The following NUMB variants were observed in gnomAD, a reference collection of about 807,000 sequenced individuals.
NUMB encodes the protein NUMB endocytic adaptor protein.
NUMB carries 29 observed loss-of-function variants against 59.7 expected under a neutral mutation model. The observed-to-expected ratio is 0.49, with a 90% CI of 0.36 to 0.66. The LOEUF is 0.66. Among genes scored for constraint, NUMB ranks in the 30% least tolerant of loss-of-function variants. The probability of loss-of-function intolerance (pLI) is 0.00; values close to 1 mark genes in which losing one functional copy is unlikely to be tolerated. For missense variants in NUMB, 723 were observed against 822.0 expected, an observed-to-expected ratio of 0.88 and a Z score of 1.47; for synonymous variants, 288 against 288.2, an observed-to-expected ratio of 1.00 and a Z score of 0.01.
intron 1 of NUMB, among the ~76,000 whole-genome samples, chr14:73,415,758 C>T (rs1022869477): frequency 3.3e-5 from 5 of 152,124 alleles, no homozygotes; most frequent in East Asian, 1.9e-4. Flanking sequence ...TGAGCCACCA[C>T]GTCCGGCCTC....
chr14:73,424,126 T>A (rs1897478961), intron 1 of NUMB, among the ~76,000 whole-genome samples: 1 of 152,118 alleles, frequency 6.6e-6, no homozygotes, highest in Non-Finnish European at 1.5e-5. Flanking sequence ...AATTACTCTC[T>A]CTCTATATAT....
intron 1 of NUMB, among the ~76,000 whole-genome samples, chr14:73,442,300 G>A (rs913649014): frequency 6.6e-6 from 1 of 151,990 alleles, no homozygotes; most frequent in Non-Finnish European, 1.5e-5. Flanking sequence ...TTGATCCTGG[G>A]AGGTTAAAAC....
chr14:73,402,315 C>T (rs1163551717), intron 2 of NUMB, among the ~76,000 whole-genome samples: 1 of 152,090 alleles, frequency 6.6e-6, no homozygotes, highest in African/African-American at 2.4e-5. Flanking sequence ...ATGACTGATT[C>T]CCTATCTGTT....
chr14:73,339,622 G>T (rs914477384), intron 4 of NUMB, among the ~76,000 whole-genome samples: 2 of 152,054 alleles, frequency 1.3e-5, no homozygotes, highest in Non-Finnish European at 2.9e-5. Flanking sequence ...AAACTCCTGG[G>T]TTCAAGTGAT....
At chr14:73,304,129 T>C (rs1024675023) in intron 6 of NUMB, among the ~76,000 whole-genome samples, 1 of 151,874 alleles carries the variant, frequency 6.6e-6, no homozygotes, top group Non-Finnish European at 1.5e-5. Flanking sequence ...ACGAAAAAAA[T>C]TGGTGAAGGA....
intron 6 of NUMB, among the ~76,000 whole-genome samples, chr14:73,300,999 A>G (rs901933901): frequency 6.6e-6 from 1 of 152,166 alleles, no homozygotes; most frequent in Non-Finnish European, 1.5e-5. Flanking sequence ...AACTGCTCAT[A>G]TTTAACCAAC....
At chr14:73,300,924 T>C (rs1890090558) in intron 6 of NUMB, among the ~76,000 whole-genome samples, 1 of 152,086 alleles carries the variant, frequency 6.6e-6, no homozygotes. Flanking sequence ...TTAAAACTGA[T>C]AAATGGGTGT....
chr14:73,351,091 T>G (rs1893229065), intron 4 of NUMB, among the ~76,000 whole-genome samples: 1 of 152,172 alleles, frequency 6.6e-6, no homozygotes, highest in Non-Finnish European at 1.5e-5. Context: ...ACAGGTACAC[T>G]AAAAGCCCAG....
intron 2 of NUMB, among the ~76,000 whole-genome samples, chr14:73,372,344 T>TAC (rs1491502047): frequency 5.8e-4 from 24 of 41,038 alleles, no homozygotes; most frequent in African/African-American, 2.5e-3. Context: ...TATAACCTTT[T>TAC]ATATATATAT....
At chr14:73,321,737 T>A (rs1891415424) in intron 5 of NUMB, among the ~76,000 whole-genome samples, 1 of 152,218 alleles carries the variant, frequency 6.6e-6, no homozygotes, top group Non-Finnish European at 1.5e-5. Flanking sequence ...AGAGCACAGA[T>A]AAGACTAGCA....
At chr14:73,280,746 T>G (rs1177722220) in intron 11 of NUMB, among the ~76,000 whole-genome samples, 6 of 135,880 alleles carry the variant, frequency 4.4e-5, no homozygotes, top group Non-Finnish European at 6.1e-5. Flanking sequence ...CAGGCTGGAG[T>G]GCAATGGTGT....
intron 2 of NUMB, among the ~76,000 whole-genome samples, chr14:73,394,181 G>A (rs918489180): frequency 5.9e-5 from 9 of 152,132 alleles, no homozygotes; most frequent in East Asian, 1.9e-4. Context: ...TCTCGAACTC[G>A]TGACCTCAGG....
intron 6 of NUMB, among the ~76,000 whole-genome samples, chr14:73,314,087 G>C (rs1237596363): frequency 6.6e-6 from 1 of 152,014 alleles, no homozygotes. Flanking sequence ...TAATTGATTA[G>C]AAATAAAATC....
At chr14:73,407,878 G>C (rs1332574953) in intron 2 of NUMB, among the ~76,000 whole-genome samples, 1 of 152,134 alleles carries the variant, frequency 6.6e-6, no homozygotes, top group Non-Finnish European at 1.5e-5. Context: ...TTATATAACT[G>C]GTAGCAGTCA....
intron 6 of NUMB, among the ~76,000 whole-genome samples, chr14:73,313,207 C>G (rs1380423351): frequency 6.6e-6 from 1 of 152,010 alleles, no homozygotes; most frequent in African/African-American, 2.4e-5. Flanking sequence ...TCAGGCTGGT[C>G]TTGAACTCCT....
chr14:73,294,794 C>A (rs1183779729), intron 7 of NUMB, among the ~76,000 whole-genome samples: 1 of 148,662 alleles, frequency 6.7e-6, no homozygotes, highest in Non-Finnish European at 1.5e-5. Flanking sequence ...GCTGGGATTA[C>A]AGGTGTGAGC....
intron 4 of NUMB, among the ~76,000 whole-genome samples, chr14:73,350,078 T>TATAC (rs1555373556): frequency 6.8e-4 from 93 of 137,768 alleles, no homozygotes; most frequent in African/African-American, 2.4e-3. Flanking sequence ...CATACATACA[T>TATAC]ACACACACAC....
chr14:73,402,563 C>T, intron 2 of NUMB, among the ~76,000 whole-genome samples: 1 of 152,150 alleles, frequency 6.6e-6, no homozygotes, highest in Non-Finnish European at 1.5e-5. Flanking sequence ...TCACTCTACC[C>T]CAATGTCCAC....
chr14:73,382,145 A>T (rs773574569), intron 2 of NUMB, among the ~76,000 whole-genome samples: 4 of 152,142 alleles, frequency 2.6e-5, no homozygotes, highest in African/African-American at 4.8e-5. Context: ...GTGCCTTTTT[A>T]AAATTATTAT....
Sources: gnomAD v4.1 joint callset for allele counts (sites outside exome capture counted in the v4.1 genomes callset) on GRCh38, gnomAD v4.1.1 for gene constraint, MANE v1.5 for transcripts, NCBI Gene and HGNC (gene_info 2026-07-23, HGNC 2026-07-21) for gene names.